Variants in ITFG2 observed in about 807,000 individuals in gnomAD.
The protein encoded by ITFG2 is KICSTOR complex protein ITFG2.
A neutral mutation model predicts 54.4 loss-of-function variants in ITFG2; 36 were observed. That is an observed-to-expected ratio of 0.66 (90% confidence interval 0.51 to 0.87). The LOEUF (loss-of-function observed/expected upper bound fraction) is 0.87, where lower values mean the gene tolerates loss of function less well. Ranked by LOEUF, ITFG2 falls within the 40% of genes least tolerant of loss-of-function variation. ITFG2 has a pLI of 0.00. For synonymous variants in ITFG2, 211 were observed against 225.4 expected, an observed-to-expected ratio of 0.94 and a Z score of 0.57; for missense variants, 524 against 576.7, an observed-to-expected ratio of 0.91 and a Z score of 0.94.
intron 3 of ITFG2, chr12:2,859,255 C>T (rs200635586): frequency 1.3e-5 from 21 of 1,613,758 alleles, no homozygotes; most frequent in Non-Finnish European, 1.8e-5. Flanking sequence ...AAGAGCAGCT[C>T]CGGCTCATCC....
At chr12:2,838,218 C>T (rs1317826075) in intron 1 of ITFG2, among the ~76,000 whole-genome samples, 2 of 152,222 alleles carry the variant, frequency 1.3e-5, no homozygotes, top group South Asian at 4.1e-4. Context: ...TTGAGTGACA[C>T]ACAGCGTGAT....
rs113509550 is a variant in ITFG2 at position 2,812,826 on chromosome 12, A to T, written c.66A>T (p.Ala22=). ...TCAGCGGGAGCCTCTTCCCGCACGC[A>T]ATCTGCCTCGGAGACGTTGATAACG... ...LEFSGSLFPH[A]ICLGDVDNDT... The change falls in exon 1 of 12, where the codon GCA becomes GCT. Residue 22 remains alanine (A), a synonymous_variant. Transcript: ENST00000228799. The T allele has an allele frequency of 6.2e-4, 993 of 1,612,994 alleles. 13 individuals are homozygous for T. In the South Asian group the frequency reaches 9.5e-3, roughly 15 times the overall value.
At chr12:2,846,723 C>T (rs760422991) in intron 2 of ITFG2, among the ~76,000 whole-genome samples, 9 of 151,600 alleles carry the variant, frequency 5.9e-5, no homozygotes, top group Non-Finnish European at 1.0e-4. Context: ...ACTCAGGAAA[C>T]GCTCCTTCAC....
At chr12:2,830,171 A>C (rs897537124) in intron 2 of ITFG2, 1 of 152,130 alleles carries the variant, frequency 6.6e-6, no homozygotes, top group Non-Finnish European at 1.5e-5. Flanking sequence ...AAATCAGAAA[A>C]GGTTTCAAGG....
downstream of ITFG2, chr12:2,827,327 G>T (rs1265100376): frequency 3.7e-6 from 6 of 1,600,576 alleles, no homozygotes; most frequent in Admixed American, 1.8e-5. The surrounding 1 kb of genome is among the most constrained non-coding windows in gnomAD (Gnocchi z 4.0). Flanking sequence ...GTCATGCCAG[G>T]TCACCTCAGC....
intron 2 of ITFG2, among the ~76,000 whole-genome samples, chr12:2,842,595 A>G (rs1245410987): frequency 4.6e-5 from 7 of 152,040 alleles, no homozygotes; most frequent in African/African-American, 1.7e-4. Context: ...AGCCAGGCAT[A>G]GTGACATGCG....
At position 2,820,334 on chromosome 12, in the gene ITFG2, A is replaced by G. The variant is rs892938916; in HGVS notation, c.546+109A>G. On this transcript the variant is annotated intron_variant, in intron 5 of 11. Coordinates refer to ENST00000228799, the MANE Select transcript of ITFG2 (RefSeq NM_018463.4). ...GACAGGGCCAGGGTGGGGAGAAGTG[A>G]AAAGTCACCTTGTCAAGAGAGATCC... is the stretch of plus-strand genomic sequence containing the variant. 3.2e-5 allele frequency: 42 copies of G among 1,318,030 alleles called. No homozygotes were observed. In the African/African-American group the frequency reaches 4.3e-4, roughly 14 times the overall value. The allele number at this position is 1,318,030 out of a possible 1,614,324, so 81.6% of individuals were successfully genotyped here.
At position 2,822,688 on chromosome 12, in the gene ITFG2, G is replaced by A. The variant is rs1017005527; in HGVS notation, c.949-106G>A. 174 of 929,880 alleles carry A rather than the reference G, an allele frequency of 1.9e-4. 1 individual carries two copies. The Admixed American group carries it at 3.1e-3, about 17-fold the overall frequency. 57.6% of individuals were successfully genotyped at this position (929,880 alleles called of 1,614,324 possible). On this transcript the variant is annotated intron_variant, in intron 9 of 11. Transcript: ENST00000228799. ...GTGAGGTGGCTCATTTGACAGTTGC[G>A]TTTACTGCCGAACCCACGGGTGAAA...
chr12:2,815,966 G>C (rs2097920375), intron 1 of ITFG2, among the ~76,000 whole-genome samples: 1 of 151,982 alleles, frequency 6.6e-6, no homozygotes, highest in Non-Finnish European at 1.5e-5. Context: ...CTGAGCTCAA[G>C]TGATCCTCCT....
At chr12:2,855,474 G>A (rs2098084413) in intron 2 of ITFG2, 1 of 1,402,396 alleles carries the variant, frequency 7.1e-7, no homozygotes, top group East Asian at 2.6e-5. Flanking sequence ...GGAGCCTGGG[G>A]AAGGTTGTGC....
chr12:2,818,275 TC>T lies in ITFG2; in HGVS notation c.405del (p.Ile135MetfsTer26). On this transcript the variant is annotated frameshift_variant and splice_region_variant, in exon 4 of 12. Coordinates refer to ENST00000228799, the MANE Select transcript of ITFG2 (RefSeq NM_018463.4). LOFTEE classifies it high-confidence loss of function. ...ANTKVMLISD[I>X]DGDGCRELVV... ...ACCAAGGTCATGCTGATCAGCGACA[TC>T]GGTGGGCATGCCTACCTTTGCAGGC... is the stretch of plus-strand genomic sequence containing the variant. The T allele has an allele frequency of 6.2e-7, 1 of 1,612,386 alleles. No individual in the cohort carries two copies. Among genetic ancestry groups the T allele is most frequent in the East Asian group, 2.2e-5 (1 of 44,870 alleles).
Position 2,820,040 on chromosome 12 carries a change from G to A in ITFG2, c.407-46G>A, listed in dbSNP as rs760174850. The A allele has an allele frequency of 7.0e-6, 11 of 1,566,550 alleles. No homozygotes were observed. The South Asian group carries it at 1.3e-4, about 19-fold the overall frequency. ...TGCCACTGTTAGCAGAGGAGCGGGG[G>A]CTGCTCGTGGGACTCCAGAGCCCAT... On this transcript the variant is annotated intron_variant, in intron 4 of 11. Transcript: ENST00000228799.
upstream of ITFG2, among the ~76,000 whole-genome samples, chr12:2,836,206 T>C (rs1482728998): frequency 2.6e-5 from 4 of 152,254 alleles, no homozygotes; most frequent in African/African-American, 9.6e-5. Context: ...AGAGTGTTTT[T>C]ACCAGTGCAC....
At chr12:2,820,639 C>T (rs1006452738) in intron 5 of ITFG2, 85 bp from the exon 6 acceptor site, 19 of 319,236 alleles carry the variant, frequency 6.0e-5, no homozygotes, top group South Asian at 1.3e-4. Flanking sequence ...CCCCCGCCCC[C>T]GCCCACCCAC....
chr12:2,833,018 G>A (rs1201051773), upstream of ITFG2, among the ~76,000 whole-genome samples: 1 of 151,772 alleles, frequency 6.6e-6, no homozygotes, highest in Admixed American at 6.6e-5. Context: ...GGCCCCTCCC[G>A]CTGTTGTGCA....
chr12:2,830,720 C>T, intron 2 of ITFG2: 1 of 1,611,776 alleles, frequency 6.2e-7, no homozygotes. Flanking sequence ...TGCAGTTGAC[C>T]AGAAGAGCTG....
chr12:2,859,233 G>A, intron 3 of ITFG2: 1 of 1,613,588 alleles, frequency 6.2e-7, no homozygotes, highest in Non-Finnish European at 8.5e-7. Flanking sequence ...GGAAGTACTG[G>A]GCCCCTCTGA....
intron 2 of ITFG2, among the ~76,000 whole-genome samples, chr12:2,853,083 G>C (rs961842230): frequency 6.6e-6 from 1 of 152,074 alleles, no homozygotes; most frequent in Non-Finnish European, 1.5e-5. Context: ...ATACAGAGAA[G>C]TGTTTGGCAG....
chr12:2,844,951 G>A (rs2098050059), intron 2 of ITFG2, among the ~76,000 whole-genome samples: 1 of 152,212 alleles, frequency 6.6e-6, no homozygotes, highest in Admixed American at 6.5e-5. Context: ...TACAAGCGTG[G>A]AGGCGTTCGT....
Sources: allele counts gnomAD v4.1 joint callset (sites outside exome capture counted in the v4.1 genomes callset), GRCh38; gene constraint gnomAD v4.1.1; non-coding constraint Gnocchi (gnomAD v3.1); transcripts MANE v1.5; gene names NCBI Gene and HGNC (gene_info 2026-07-23, HGNC 2026-07-21).